The following CLVS1 variants were observed in gnomAD, a reference collection of about 807,000 sequenced individuals.
CLVS1 encodes the protein clavesin 1.
A neutral mutation model predicts 33.1 loss-of-function variants in CLVS1; 10 were observed. That is an observed-to-expected ratio of 0.30 (90% confidence interval 0.19 to 0.51). The LOEUF (loss-of-function observed/expected upper bound fraction) is 0.51. CLVS1 is among the 20% of genes least tolerant of loss of function. The probability of loss-of-function intolerance (pLI) is 0.97; values close to 1 mark genes in which losing one functional copy is unlikely to be tolerated. For missense variants in CLVS1, 343 were observed against 433.4 expected, an observed-to-expected ratio of 0.79 and a Z score of 1.85; for synonymous variants, 163 against 166.1, an observed-to-expected ratio of 0.98 and a Z score of 0.14.
At chr8:61,408,560 T>G (rs905547946) in intron 3 of CLVS1, among the ~76,000 whole-genome samples, 2 of 152,134 alleles carry the variant, frequency 1.3e-5, no homozygotes, top group African/African-American at 4.8e-5. Flanking sequence ...CAAATTAGAC[T>G]TGGTTTTATC....
At chr8:61,392,070 A>G (rs1814323950) in intron 3 of CLVS1, among the ~76,000 whole-genome samples, 1 of 152,194 alleles carries the variant, frequency 6.6e-6, no homozygotes, top group Non-Finnish European at 1.5e-5. Context: ...AGTATAATAC[A>G]TACATAGGGA....
At chr8:61,001,327 A>C in the CLVS1 span, among the ~76,000 whole-genome samples, 1 of 152,200 alleles carries the variant, frequency 6.6e-6, no homozygotes, top group African/African-American at 2.4e-5. Context: ...CCAAAATGCT[A>C]TCATTTCAAA....
Position 61,280,178 on chromosome 8 carries a change from G to A in CLVS1, c.-151-19499G>A, listed in dbSNP as rs534827118. On this transcript the variant is annotated intron_variant, in intron 2 of 2. Transcript: ENST00000522621. Reference sequence around the variant, plus strand: ...TTCTTTTGGAATTCAAAATGATGTCGAATTTCTGCTGAATCCATTAAAAAT... The same window carrying A: ...TTCTTTTGGAATTCAAAATGATGTCAAATTTCTGCTGAATCCATTAAAAAT... Among the ~76,000 whole-genome samples, 11 of 152,182 alleles carry A rather than the reference G, an allele frequency of 7.2e-5. No individual in the cohort carries two copies. The East Asian group carries it at 1.5e-3, about 21-fold the overall frequency.
chr8:61,435,259 CA>C (rs1451796914), intron 3 of CLVS1, among the ~76,000 whole-genome samples: 2 of 152,134 alleles, frequency 1.3e-5, no homozygotes, highest in Non-Finnish European at 2.9e-5. Context: ...GAAAAACAAT[CA>C]AAAGCAGCAG....
intron 1 of CLVS1, among the ~76,000 whole-genome samples, chr8:61,111,127 T>G (rs1426948501): frequency 1.3e-5 from 2 of 152,228 alleles, no homozygotes; most frequent in Non-Finnish European, 2.9e-5. Context: ...TTTGCAGTAG[T>G]GGAATACAGT....
chr8:61,489,073 G>A (rs1803975511), intron 5 of CLVS1, among the ~76,000 whole-genome samples: 1 of 152,154 alleles, frequency 6.6e-6, no homozygotes, highest in African/African-American at 2.4e-5. Flanking sequence ...ATACCCTGCT[G>A]GTGATTAGGG....
At chr8:61,124,324 C>T (rs1260371043) in intron 1 of CLVS1, among the ~76,000 whole-genome samples, 2 of 152,064 alleles carry the variant, frequency 1.3e-5, no homozygotes, top group African/African-American at 4.8e-5. Context: ...TATGAGATTC[C>T]AGGATTTGTT....
chr8:61,095,672 C>G (rs187233281), intron 1 of CLVS1, among the ~76,000 whole-genome samples: 5 of 152,278 alleles, frequency 3.3e-5, no homozygotes, highest in Admixed American at 3.3e-4. Context: ...ACTCTGTTTT[C>G]TGGTCTATGG....
intron 2 of CLVS1, among the ~76,000 whole-genome samples, chr8:61,143,639 TCA>T (rs1369902807): frequency 6.6e-6 from 1 of 151,374 alleles, no homozygotes; most frequent in Non-Finnish European, 1.5e-5. Flanking sequence ...ATTCTCTCTC[TCA>T]GAGTGTACTG....
chr8:61,300,452 A>T, intron 2 of CLVS1, 170 bp downstream of exon 2: 3 of 590,616 alleles, frequency 5.1e-6, no homozygotes, highest in Non-Finnish European at 8.9e-6. Context: ...GCAATTCCAG[A>T]TGGAACAATA....
At chr8:61,036,692 A>T in the CLVS1 span, among the ~76,000 whole-genome samples, 1 of 152,214 alleles carries the variant, frequency 6.6e-6, no homozygotes, top group African/African-American at 2.4e-5. Context: ...ATGTGCTTTT[A>T]AGCAAGACAC....
At chr8:61,128,960 T>C (rs895037475) in intron 1 of CLVS1, among the ~76,000 whole-genome samples, 3 of 152,246 alleles carry the variant, frequency 2.0e-5, no homozygotes, top group South Asian at 2.1e-4. Context: ...TCTCCTGTTA[T>C]TGGAATTCTT....
chr8:60,999,107 A>G, the CLVS1 span, among the ~76,000 whole-genome samples: 2 of 152,188 alleles, frequency 1.3e-5, no homozygotes, highest in African/African-American at 4.8e-5. Context: ...GACTAGTGAT[A>G]GCATTTGAGA....
rs530095246 is a variant in CLVS1, at chr8:61,379,373, C to A, written c.630+2594C>A. Among the ~76,000 whole-genome samples, 6 of 151,984 alleles carry A rather than the reference C, an allele frequency of 3.9e-5. No individual in the cohort carries two copies. In the South Asian group the frequency reaches 1.0e-3, roughly 26 times the overall value. The stretch of plus-strand genomic sequence containing the variant: ...GCCTTGGGTTATGAAACCCTCCCCC[C>A]CTTTCCCCACCCTCCCCCATCTCCA... On this transcript the variant is annotated intron_variant, in intron 3 of 5. Transcript: ENST00000325897.
intron 2 of CLVS1, among the ~76,000 whole-genome samples, chr8:61,181,064 T>C (rs898427034): frequency 1.3e-5 from 2 of 152,220 alleles, no homozygotes; most frequent in Non-Finnish European, 2.9e-5. Flanking sequence ...GCAGATGACA[T>C]GATTCTATAT....
chr8:60,989,173 C>A, the CLVS1 span, among the ~76,000 whole-genome samples: 1 of 150,978 alleles, frequency 6.6e-6, no homozygotes, highest in African/African-American at 2.4e-5. Context: ...GCCCCAGATT[C>A]TTTTTTTTTG....
chr8:60,999,872 G>C, the CLVS1 span, among the ~76,000 whole-genome samples: 1 of 152,152 alleles, frequency 6.6e-6, no homozygotes, highest in Non-Finnish European at 1.5e-5. Flanking sequence ...AGGGAGAAAG[G>C]TTCACAGGGG....
chr8:61,403,094 G>A (rs1323651541), intron 3 of CLVS1, among the ~76,000 whole-genome samples: 2 of 152,192 alleles, frequency 1.3e-5, no homozygotes, highest in African/African-American at 2.4e-5. Flanking sequence ...GCCTTATTGA[G>A]GTGACATTGG....
intron 2 of CLVS1, among the ~76,000 whole-genome samples, chr8:61,251,252 C>T (rs1250930798): frequency 6.6e-6 from 1 of 152,110 alleles, no homozygotes; most frequent in Non-Finnish European, 1.5e-5. Context: ...GCCTTGCATC[C>T]CAGGTATGAA....
Sources: allele counts gnomAD v4.1 joint callset (sites outside exome capture counted in the v4.1 genomes callset), GRCh38; gene constraint gnomAD v4.1.1; transcripts MANE v1.5; gene names NCBI Gene and HGNC (gene_info 2026-07-23, HGNC 2026-07-21).